NOTCH2NLC: variants seen among roughly 807,000 people sequenced by gnomAD.
NOTCH2NLC encodes notch 2 N-terminal like C, also known as notch homolog 2 N-terminal-like protein C.
In NOTCH2NLC, 4 loss-of-function variants were observed where a neutral mutation model predicts 17.7. That is an observed-to-expected ratio of 0.23 (90% CI 0.11 to 0.52). NOTCH2NLC has a LOEUF of 0.52. Ranked by LOEUF, NOTCH2NLC falls within the 20% of genes least tolerant of loss-of-function variation. The pLI, the probability that NOTCH2NLC is intolerant of heterozygous loss-of-function variation, is 0.96. For synonymous variants in NOTCH2NLC, 18 were observed against 86.0 expected (o/e 0.21, Z 4.38); for missense variants, 57 against 207.2 (o/e 0.28, Z 4.45).
chr1:149,398,624 A>G (rs1443143983), intron 1 of NOTCH2NLC, among the ~76,000 whole-genome samples: 1 of 151,246 alleles, frequency 6.6e-6, no homozygotes, highest in South Asian at 2.1e-4. Flanking sequence ...GTATGATTGA[A>G]CAAGCTCTTG....
rs1198369027 is a variant in NOTCH2NLC, at chr1:149,428,841, G to A, written c.136-2101G>A. Among the ~76,000 whole-genome samples, 1,083 of 150,478 alleles carry A rather than the reference G, an allele frequency of 7.2e-3. 36 individuals carry two copies. Among genetic ancestry groups the A allele is most frequent in the Non-Finnish European group, 0.011 (766 of 67,254 alleles). ...GGGGGACAGAGCTACAGCTTTTTCT[G>A]TGCCTACAGGGCATTCCTTTCCTAC... On this transcript the variant is annotated intron_variant, in intron 1 of 4. Transcript: ENST00000650865.
At chr1:149,460,305 T>C (rs1471358301) in intron 3 of NOTCH2NLC, among the ~76,000 whole-genome samples, 2 of 150,150 alleles carry the variant, frequency 1.3e-5, no homozygotes, top group Admixed American at 6.7e-5. Flanking sequence ...GGATCTCTTT[T>C]TGGTGTGTTC....
chr1:149,454,519 A>G (rs1381064034), intron 2 of NOTCH2NLC, among the ~76,000 whole-genome samples: 1 of 147,852 alleles, frequency 6.8e-6, no homozygotes, highest in Non-Finnish European at 1.5e-5. Context: ...CTCAATGTGG[A>G]AAATATCATA....
Position 149,464,939 on chromosome 1 carries a change from G to T in NOTCH2NLC, c.*786G>T, listed in dbSNP as rs1290126876. On this transcript the variant is annotated 3_prime_UTR_variant, in exon 5 of 5. Transcript: ENST00000650865. ...TTGGAGGAATTAAAGGTCATAGTTT[G>T]GTCCTCAGTATAAAATCAACTGGTA... 6.9e-6 allele frequency: 1 copy of T among 145,636 alleles called. No individual in the cohort carries two copies. Among genetic ancestry groups the T allele is most frequent in the Admixed American group, 6.9e-5 (1 of 14,552 alleles). The allele number at this position is 145,636 out of a possible 1,614,324, so 9.0% of individuals were successfully genotyped here.
chr1:149,436,755 A>G (rs1448232038), intron 2 of NOTCH2NLC, among the ~76,000 whole-genome samples: 1 of 149,474 alleles, frequency 6.7e-6, no homozygotes, highest in African/African-American at 2.5e-5. Context: ...AGTTCCTTCA[A>G]GTACGGTGCC....
chr1:149,433,925 G>A (rs1263314002), intron 2 of NOTCH2NLC, among the ~76,000 whole-genome samples: 1 of 149,744 alleles, frequency 6.7e-6, no homozygotes, highest in African/African-American at 2.5e-5. Flanking sequence ...TCCAGCCTGA[G>A]CGACAGAGTG....
intron 2 of NOTCH2NLC, among the ~76,000 whole-genome samples, chr1:149,433,741 G>T (rs2084466642): frequency 6.7e-6 from 1 of 148,930 alleles, no homozygotes; most frequent in African/African-American, 2.5e-5. Flanking sequence ...TCCAACCAAG[G>T]TTGGAGACCA....
intron 1 of NOTCH2NLC, among the ~76,000 whole-genome samples, chr1:149,393,015 A>C (rs1306119070): frequency 5.7e-5 from 8 of 139,742 alleles, no homozygotes; most frequent in African/African-American, 2.2e-4. Context: ...GCTTGCAGTG[A>C]GCCGAGATCC....
chr1:149,430,562 C>A (rs1482834081), intron 1 of NOTCH2NLC, among the ~76,000 whole-genome samples: 1 of 143,102 alleles, frequency 7.0e-6, no homozygotes, highest in Non-Finnish European at 1.5e-5. Context: ...ATTTATCTAG[C>A]ATTTTCCTAA....
At chr1:149,462,691 A>G (rs1419541239) in intron 3 of NOTCH2NLC, among the ~76,000 whole-genome samples, 3 of 149,458 alleles carry the variant, frequency 2.0e-5, no homozygotes, top group East Asian at 4.0e-4. Context: ...AGGTGGTATA[A>G]TAGAAGAAAA....
chr1:149,432,139 T>C (rs1250461145), intron 2 of NOTCH2NLC, among the ~76,000 whole-genome samples: 23 of 134,342 alleles, frequency 1.7e-4, no homozygotes, highest in African/African-American at 5.7e-4. Flanking sequence ...TTGTGAGGAG[T>C]AGTTCTTCTT....
intron 1 of NOTCH2NLC, among the ~76,000 whole-genome samples, chr1:149,417,055 A>G (rs2084339508): frequency 8.3e-6 from 1 of 121,030 alleles, no homozygotes; most frequent in Admixed American, 8.7e-5. Flanking sequence ...TCACAAATGT[A>G]TATTATGGAA....
intron 1 of NOTCH2NLC, among the ~76,000 whole-genome samples, chr1:149,419,291 C>T (rs2101478827): frequency 6.6e-6 from 1 of 150,998 alleles, no homozygotes; most frequent in South Asian, 2.1e-4. Context: ...AAGCCTTTAT[C>T]AAGACAATGT....
chr1:149,394,765 T>C (rs2084195709), intron 1 of NOTCH2NLC, among the ~76,000 whole-genome samples: 1 of 150,936 alleles, frequency 6.6e-6, no homozygotes. Context: ...TTTGAACTAT[T>C]AATTTTCCTT....
chr1:149,453,411 G>A (rs1379998493), intron 2 of NOTCH2NLC, among the ~76,000 whole-genome samples: 1,183 of 144,088 alleles, frequency 8.2e-3, no homozygotes, highest in East Asian at 0.05. Context: ...CATGTTGGCC[G>A]GGCTATTCTC....
In NOTCH2NLC at chr1:149,445,527, C is replaced by A. The variant is rs2101499592; in HGVS notation, c.210-9791C>A. Reference sequence around the variant, plus strand: ...GGGTTTTGTTAGTTTTTTCCCCTGCCCTTACCTCATTTACCTTAACGACAG... The same window carrying A: ...GGGTTTTGTTAGTTTTTTCCCCTGCACTTACCTCATTTACCTTAACGACAG... On this transcript the variant is annotated intron_variant, in intron 2 of 4. Transcript: ENST00000650865. 2.0e-5 allele frequency among the ~76,000 whole-genome samples: 3 copies of A among 147,720 alleles called. No homozygotes were observed. In the East Asian group the frequency reaches 6.1e-4, roughly 30 times the overall value.
intron 1 of NOTCH2NLC, among the ~76,000 whole-genome samples, chr1:149,398,761 A>G (rs2084224130): frequency 6.6e-6 from 1 of 150,880 alleles, no homozygotes; most frequent in Non-Finnish European, 1.5e-5. Context: ...GGACTGAAGC[A>G]CCTTTCCCTG....
At chr1:149,429,998 T>C (rs1477171424) in intron 1 of NOTCH2NLC, among the ~76,000 whole-genome samples, 1 of 151,094 alleles carries the variant, frequency 6.6e-6, no homozygotes, top group African/African-American at 2.4e-5. Context: ...TTGATATGTA[T>C]TTTGGTGATG....
At position 149,400,215 on chromosome 1, in the gene NOTCH2NLC, G is replaced by A. The variant is rs1422912380; in HGVS notation, c.135+9293G>A. ...CATAATATACTATTGTCAACACTAG[G>A]TTTTATTTTTAAAAATCTTTACCAT... On this transcript the variant is annotated intron_variant, in intron 1 of 4. Coordinates refer to ENST00000650865, the MANE Select transcript of NOTCH2NLC (RefSeq NM_001364013.2). 1.5e-5 allele frequency among the ~76,000 whole-genome samples: 2 copies of A among 132,196 alleles called. 1 individual carries two copies. The highest frequency in any genetic ancestry group is 3.2e-5 in the Non-Finnish European group (2 of 61,726). 86.7% of individuals were successfully genotyped at this position (132,196 alleles called of 152,430 possible).
Sources: gnomAD v4.1 joint callset for allele counts (sites outside exome capture counted in the v4.1 genomes callset) on GRCh38, gnomAD v4.1.1 for gene constraint, MANE v1.5 for transcripts, NCBI Gene and HGNC (gene_info 2026-07-23, HGNC 2026-07-21) for gene names.